Variants in DDX23 observed in about 807,000 individuals in gnomAD.
DDX23 encodes probable ATP-dependent RNA helicase DDX23.
A neutral mutation model predicts 102.7 loss-of-function variants in DDX23; 33 were observed. The ratio of observed to expected loss-of-function variants is 0.32; its 90% confidence interval spans 0.24 to 0.43. The LOEUF (loss-of-function observed/expected upper bound fraction) is 0.43, where lower values mean the gene tolerates loss of function less well. Ranked by LOEUF, DDX23 falls within the 20% of genes least tolerant of loss-of-function variation. The pLI, the probability that DDX23 is intolerant of heterozygous loss-of-function variation, is 1.00. For missense variants in DDX23, 549 were observed against 1,086.6 expected (o/e 0.51, Z 6.96); for synonymous variants, 352 against 376.0 (o/e 0.94, Z 0.74).
intron 3 of DDX23, among the ~76,000 whole-genome samples, chr12:48,843,579 T>C (rs1430068869): frequency 6.8e-6 from 1 of 146,772 alleles, no homozygotes; most frequent in Non-Finnish European, 1.5e-5. Context: ...GACAGAGTCT[T>C]GCTCTGTCGC....
At chr12:48,838,854 A>G (rs1478350261) in intron 5 of DDX23, among the ~76,000 whole-genome samples, 1 of 151,940 alleles carries the variant, frequency 6.6e-6, no homozygotes, top group African/African-American at 2.4e-5. Context: ...CTCCATCTCA[A>G]ACAAACAAAC....
In DDX23 at chr12:48,834,301, G is replaced by A; in HGVS notation, c.1560+19C>T. On this transcript the variant is annotated intron_variant, in intron 12 of 16. Transcript: ENST00000308025. ...AGCCTTCCCAGACAGCAGGCTGGCTGCTAGATAGAAAAACAAACCTCACAA... is the reference window on the plus strand; with the variant it reads ...AGCCTTCCCAGACAGCAGGCTGGCTACTAGATAGAAAAACAAACCTCACAA... 1 of 1,595,690 alleles carries A rather than the reference G, an allele frequency of 6.3e-7. No homozygotes were observed. The highest frequency in any genetic ancestry group is 1.3e-5 in the African/African-American group (1 of 74,420).
rs560853498 is a variant in DDX23, at chr12:48,831,670, G to A, written c.2065-354C>T. Reference sequence around the variant, plus strand: ...AGGAAGTTGGAGAGCTGAGTGACAGGGACACACCCCTCCCCTCAAGCACCA... The same window carrying A: ...AGGAAGTTGGAGAGCTGAGTGACAGAGACACACCCCTCCCCTCAAGCACCA... On this transcript the variant is annotated intron_variant, in intron 15 of 16. Transcript: ENST00000308025. Among the ~76,000 whole-genome samples, 6 of 152,196 alleles carry A rather than the reference G, an allele frequency of 3.9e-5. 1 individual carries two copies. In the South Asian group the frequency reaches 1.2e-3, roughly 32 times the overall value.
At chr12:48,841,476 C>A (rs1263421246) in intron 3 of DDX23, among the ~76,000 whole-genome samples, 1 of 152,218 alleles carries the variant, frequency 6.6e-6, no homozygotes, top group African/African-American at 2.4e-5. Context: ...CGGTCTCCCT[C>A]TCCCTCTCTT....
intron 12 of DDX23, 80 bp downstream of exon 12, chr12:48,834,240 C>A: frequency 7.2e-7 from 1 of 1,387,366 alleles, no homozygotes. Flanking sequence ...TACTACTGCA[C>A]ATATATTCCA....
At chr12:48,848,028 ATAATC>A (rs1404206684) in intron 1 of DDX23, among the ~76,000 whole-genome samples, 7 of 151,764 alleles carry the variant, frequency 4.6e-5, no homozygotes, top group Non-Finnish European at 8.8e-5. Context: ...GCTCACGCCT[ATAATC>A]CCAGCACTTT....
Position 48,832,743 on chromosome 12 carries a change from T to G in DDX23, c.1804-170A>C. 3 of 811,878 alleles carry G rather than the reference T, an allele frequency of 3.7e-6. No homozygotes were observed. Among genetic ancestry groups the G allele is most frequent in the Non-Finnish European group, 5.6e-6 (3 of 538,000 alleles). 50.3% of individuals were successfully genotyped at this position (811,878 alleles called of 1,614,324 possible). A position where few individuals can be genotyped will look rare whatever the true frequency, so the allele number is the denominator to read the frequency against. ...CCTCTGAATTCCCATCCTTCCTGAGTACCTGCTCATCAAGGCACTTTCCAT... is the reference window on the plus strand; with the variant it reads ...CCTCTGAATTCCCATCCTTCCTGAGGACCTGCTCATCAAGGCACTTTCCAT... On this transcript the variant is annotated intron_variant, in intron 13 of 16. Coordinates refer to ENST00000308025, the MANE Select transcript of DDX23 (RefSeq NM_004818.3). The surrounding 1 kb of genome is among the most constrained non-coding windows in gnomAD (Gnocchi z 4.4).
At chr12:48,848,560 A>T (rs892139569) in intron 1 of DDX23, among the ~76,000 whole-genome samples, 2 of 147,764 alleles carry the variant, frequency 1.4e-5, no homozygotes, top group Non-Finnish European at 3.0e-5. Context: ...AATGTGAACT[A>T]GCTTAGCATG....
intron 6 of DDX23, 70 bp downstream of exon 6, chr12:48,837,872 T>C: frequency 6.2e-7 from 1 of 1,604,476 alleles, no homozygotes; most frequent in South Asian, 1.1e-5. Context: ...CTATCTCTCC[T>C]AAGAGACACT....
intron 3 of DDX23, among the ~76,000 whole-genome samples, chr12:48,842,240 C>A (rs1227722945): frequency 4.7e-5 from 7 of 149,898 alleles, no homozygotes; most frequent in Admixed American, 6.6e-5. Context: ...GTCATCCCCC[C>A]ACCCGGCCAG....
Position 48,832,327 on chromosome 12 carries a change from G to C in DDX23, c.1955+95C>G. On this transcript the variant is annotated intron_variant, in intron 14 of 16. Transcript: ENST00000308025. The surrounding 1 kb of genome is among the most constrained non-coding windows in gnomAD (Gnocchi z 4.4). ...AAGAAAACAGCAGCTCTTCAACACAGCAGAGCAATTGCCCTGCCCTGCACC... is the reference window on the plus strand; with the variant it reads ...AAGAAAACAGCAGCTCTTCAACACACCAGAGCAATTGCCCTGCCCTGCACC... The C allele has an allele frequency of 4.5e-6, 7 of 1,562,512 alleles. No homozygotes were observed. The highest frequency in any genetic ancestry group is 6.1e-6 in the Non-Finnish European group (7 of 1,144,700).
chr12:48,833,606 C>A, intron 12 of DDX23, 87 bp from the exon 13 acceptor site: 1 of 1,507,730 alleles, frequency 6.6e-7, no homozygotes, highest in Middle Eastern at 1.9e-4. Context: ...GGGTGACAGA[C>A]CTCCAATGCT....
At chr12:48,840,473 C>G (rs577093496) in intron 3 of DDX23, among the ~76,000 whole-genome samples, 11 of 152,116 alleles carry the variant, frequency 7.2e-5, no homozygotes, top group South Asian at 4.2e-4. Flanking sequence ...GAGTTCAAGA[C>G]CAGCCTGGCC....
chr12:48,845,702 G>A lies in DDX23; in HGVS notation c.81C>T (p.Asp27=). 1.2e-6 allele frequency: 2 copies of A among 1,614,224 alleles called. No individual in the cohort carries two copies. Among genetic ancestry groups the A allele is most frequent in the East Asian group, 2.2e-5 (1 of 44,888 alleles). The stretch of plus-strand genomic sequence containing the variant: ...GGTCCCGGTCTCTATCCCGCTCTCT[G>A]TCAGGAGTCCGTGATCGCTTCCTTT... The part of the protein sequence containing the change: ...KEERKRSRTP[D]RERDRDRDRK... The change falls in exon 2 of 17, where the codon GAC becomes GAT. Residue 27 remains aspartate, a synonymous_variant. Transcript: ENST00000308025.
chr12:48,841,743 G>A (rs910487842), intron 3 of DDX23, among the ~76,000 whole-genome samples: 2 of 152,230 alleles, frequency 1.3e-5, no homozygotes, highest in African/African-American at 2.4e-5. Flanking sequence ...GATGGCACAC[G>A]GAGTCGCGTT....
intron 3 of DDX23, among the ~76,000 whole-genome samples, chr12:48,841,705 C>A (rs1201885967): frequency 2.0e-5 from 3 of 152,248 alleles, no homozygotes; most frequent in Non-Finnish European, 4.4e-5. Flanking sequence ...GCGAGTGATC[C>A]GCCAGCCTCG....
intron 11 of DDX23, among the ~76,000 whole-genome samples, chr12:48,834,922 ACT>A (rs1388665329): frequency 6.6e-6 from 1 of 151,800 alleles, no homozygotes; most frequent in African/African-American, 2.4e-5. Context: ...TGACAGAGAC[ACT>A]CTGTCTCCAA....
intron 1 of DDX23, among the ~76,000 whole-genome samples, chr12:48,851,875 G>A (rs778379970): frequency 6.6e-6 from 1 of 152,252 alleles, no homozygotes; most frequent in Non-Finnish European, 1.5e-5. Flanking sequence ...GGAAAATATC[G>A]TGCAGGGACG....
chr12:48,840,850 G>A (rs1196521966), intron 3 of DDX23, among the ~76,000 whole-genome samples: 1 of 151,768 alleles, frequency 6.6e-6, no homozygotes, highest in Non-Finnish European at 1.5e-5. Flanking sequence ...ACAGCGCCTG[G>A]CCCTCCTTAA....
Sources: allele counts gnomAD v4.1 joint callset (sites outside exome capture counted in the v4.1 genomes callset), GRCh38; gene constraint gnomAD v4.1.1; non-coding constraint Gnocchi (gnomAD v3.1); transcripts MANE v1.5; gene names NCBI Gene and HGNC (gene_info 2026-07-23, HGNC 2026-07-21).